The following RASGEF1C variants were observed in gnomAD, a reference collection of about 807,000 sequenced individuals.
RASGEF1C encodes the protein ras-GEF domain-containing family member 1C.
RASGEF1C carries 27 observed loss-of-function variants against 58.1 expected under a neutral mutation model. The ratio of observed to expected loss-of-function variants is 0.46; its 90% CI spans 0.34 to 0.64. The LOEUF is 0.64. Ranked by LOEUF, RASGEF1C falls within the 30% of genes least tolerant of loss-of-function variation. The pLI, the probability that RASGEF1C is intolerant of heterozygous loss-of-function variation, is 0.01. For missense variants in RASGEF1C, 502 were observed against 605.1 expected (o/e 0.83, Z 1.79); for synonymous variants, 243 against 246.3 (o/e 0.99, Z 0.13).
In RASGEF1C at chr5:180,199,705, T is replaced by G. The variant is rs1008788792; in HGVS notation, c.-7+9323A>C. Among the ~76,000 whole-genome samples the G allele has an allele frequency of 1.6e-3, 70 of 44,708 alleles. 2 individuals carry two copies. Among genetic ancestry groups the G allele is most frequent in the Non-Finnish European group, 5.6e-4 (13 of 23,374 alleles). The allele number at this position is 44,708 out of a possible 152,430, so 29.3% of individuals were successfully genotyped here. ...CCTTCCCCTCCCCTCCCTCCCTCCC[T>G]CCTTCCTTCCTTCTTTCCCGGATGG... On this transcript the variant is annotated intron_variant, in intron 1 of 13. Coordinates refer to ENST00000361132, the MANE Select transcript of RASGEF1C (RefSeq NM_175062.4).
rs998991869 is a variant in RASGEF1C at position 180,158,571 on chromosome 5, T to C, written c.-6-20513A>G. Among the ~76,000 whole-genome samples the C allele has an allele frequency of 2.6e-5, 4 of 152,212 alleles. No homozygotes were observed. Among genetic ancestry groups the C allele is most frequent in the Non-Finnish European group, 4.4e-5 (3 of 68,028 alleles). On this transcript the variant is annotated intron_variant, in intron 1 of 13. Transcript: ENST00000361132. This position sits in a 1 kb window ranked among gnomAD's most constrained non-coding sequence, Gnocchi z 4.0. ...TCTCTTAACTTTGTAGAATTTTCTT[T>C]GTTCCCGTAGGGTGACCTGTCATGC...
intron 1 of RASGEF1C, among the ~76,000 whole-genome samples, chr5:180,151,479 A>G (rs1486532269): frequency 6.6e-6 from 1 of 152,238 alleles, no homozygotes; most frequent in Non-Finnish European, 1.5e-5. Context: ...AGGATTCCCT[A>G]TTTAATAAAT....
intron 3 of RASGEF1C, 40 bp from the exon 4 acceptor site, chr5:180,136,555 C>A: frequency 6.5e-7 from 1 of 1,541,410 alleles, no homozygotes. Flanking sequence ...TGAGGGGCGC[C>A]GGGTGGGCAC....
At chr5:180,103,039 T>C (rs1041932705) in intron 12 of RASGEF1C, among the ~76,000 whole-genome samples, 4 of 152,240 alleles carry the variant, frequency 2.6e-5, no homozygotes, top group Admixed American at 6.5e-5. Context: ...GAACATCCTA[T>C]GTCTCCATTT....
Position 180,143,960 on chromosome 5 carries a change from AG to A in RASGEF1C, c.-6-5903del, listed in dbSNP as rs1463999196. ...GGACAGAGGTAAAGAAGGCTCCCGA[AG>A]GCCCCTGTGAGGACCACGCGCGTGT... On this transcript the variant is annotated intron_variant, in intron 1 of 13. Coordinates refer to ENST00000361132, the MANE Select transcript of RASGEF1C (RefSeq NM_175062.4). The surrounding 1 kb of genome is among the most constrained non-coding windows in gnomAD (Gnocchi z 4.3). Among the ~76,000 whole-genome samples, 1 of 152,186 alleles carries A rather than the reference AG, an allele frequency of 6.6e-6. No homozygotes were observed. The highest frequency in any genetic ancestry group is 1.9e-4 in the East Asian group (1 of 5,186).
intron 11 of RASGEF1C, 115 bp from the exon 12 acceptor site, chr5:180,111,695 TGAG>T (rs1765962556): frequency 8.6e-7 from 1 of 1,160,508 alleles, no homozygotes; most frequent in African/African-American, 1.5e-5. Context: ...TTTAGGGCTC[TGAG>T]GAGGAGCAGG....
chr5:180,186,890 C>T (rs184957506), intron 1 of RASGEF1C, among the ~76,000 whole-genome samples: 15 of 152,092 alleles, frequency 9.9e-5, no homozygotes, highest in East Asian at 5.8e-4. Flanking sequence ...GAGGTTGCAG[C>T]GAGCCAAGAT....
At chr5:180,194,316 T>G (rs926174007) in intron 1 of RASGEF1C, among the ~76,000 whole-genome samples, 2 of 152,230 alleles carry the variant, frequency 1.3e-5, no homozygotes, top group Non-Finnish European at 2.9e-5. Flanking sequence ...ACCTAATTTG[T>G]TCCTCTTTCT....
intron 1 of RASGEF1C, among the ~76,000 whole-genome samples, chr5:180,167,023 T>G (rs13356323): frequency 0.65 from 98,502 of 151,984 alleles, 32,401 homozygotes; most frequent in Non-Finnish European, 0.71. Context: ...TTTGATTATG[T>G]TGTATCTGGG....
chr5:180,198,100 C>A lies in RASGEF1C; in HGVS notation c.-7+10928G>T, dbSNP rs1756312641. On this transcript the variant is annotated intron_variant, in intron 1 of 13. Transcript: ENST00000361132. The surrounding 1 kb of genome is among the most constrained non-coding windows in gnomAD (Gnocchi z 4.5). ...GTCTGTAGGACGCTTCCTGGACAGG[C>A]TTATGGGGCGTGGCAGTTTGGGGCA... 6.6e-6 allele frequency among the ~76,000 whole-genome samples: 1 copy of A among 152,194 alleles called. No individual in the cohort carries two copies. The highest frequency in any genetic ancestry group is 2.4e-5 in the African/African-American group (1 of 41,450).
chr5:180,178,133 A>ATTT (rs56344691), intron 1 of RASGEF1C, among the ~76,000 whole-genome samples: 6 of 135,380 alleles, frequency 4.4e-5, no homozygotes, highest in African/African-American at 1.1e-4. Context: ...AGCCTGGCTA[A>ATTT]TTTTTTTTTT....
rs1321760627 is a variant in RASGEF1C, at chr5:180,209,097, G to A, written c.-76C>T. On this transcript the variant is annotated 5_prime_UTR_variant, in exon 1 of 14. Transcript: ENST00000361132. ...TCCCGGTGCGAGCCTCGGCGCCGCG[G>A]ACCGGGGCGCCGCCCGCCGCCGCCG... is the stretch of plus-strand genomic sequence containing the variant. The A allele has an allele frequency of 7.0e-6, 1 of 143,154 alleles. No homozygotes were observed. Among genetic ancestry groups the A allele is most frequent in the Non-Finnish European group, 1.5e-5 (1 of 64,946 alleles). The allele number at this position is 143,154 out of a possible 1,614,324, so 8.9% of individuals were successfully genotyped here. A position where few individuals can be genotyped will look rare whatever the true frequency, so the allele number is the denominator to read the frequency against.
Position 180,119,350 on chromosome 5 carries a change from G to A in RASGEF1C, c.903C>T (p.Ile301=), listed in dbSNP as rs892119985. 2.5e-6 allele frequency: 4 copies of A among 1,613,288 alleles called. No homozygotes were observed. The highest frequency in any genetic ancestry group is 3.4e-6 in the Non-Finnish European group (4 of 1,179,280). The change falls in exon 8 of 14, where the codon ATC becomes ATT. Residue 301 remains isoleucine (I), a synonymous_variant. Coordinates refer to ENST00000361132, the MANE Select transcript of RASGEF1C (RefSeq NM_175062.4). ...AGGCCAGGCCGGCCCACTCACAGAT[G>A]ATGGCCATGAGGGAGTTGAAGTTGC... ...NIGNFNSLMA[I]ISGMNMSPVS...
chr5:180,144,329 T>G (rs1403421600), intron 1 of RASGEF1C, among the ~76,000 whole-genome samples: 2 of 152,206 alleles, frequency 1.3e-5, no homozygotes, highest in Non-Finnish European at 1.5e-5. Context: ...TCCCACTGCT[T>G]TAGCCTCAAA....
intron 12 of RASGEF1C, among the ~76,000 whole-genome samples, chr5:180,104,487 C>CT (rs1765843870): frequency 6.6e-6 from 1 of 152,132 alleles, no homozygotes; most frequent in Non-Finnish European, 1.5e-5. Context: ...TTTCTGGCCT[C>CT]TGAAACTGTA....
chr5:180,188,538 A>C (rs1258409461), intron 1 of RASGEF1C, among the ~76,000 whole-genome samples: 1 of 152,224 alleles, frequency 6.6e-6, no homozygotes, highest in Non-Finnish European at 1.5e-5. Flanking sequence ...CCAACTAATA[A>C]TAGAAGAGAA....
At chr5:180,207,114 C>G (rs893184258) in intron 1 of RASGEF1C, among the ~76,000 whole-genome samples, 1 of 152,236 alleles carries the variant, frequency 6.6e-6, no homozygotes, top group African/African-American at 2.4e-5. Context: ...AACAGTGTGT[C>G]CGACTGATAA....
At chr5:180,151,142 C>G (rs1581108908) in intron 1 of RASGEF1C, among the ~76,000 whole-genome samples, 1 of 151,908 alleles carries the variant, frequency 6.6e-6, no homozygotes, top group South Asian at 2.1e-4. Flanking sequence ...CCATACTGCC[C>G]AAGGTAATTT....
chr5:180,170,825 G>A (rs938784204), intron 1 of RASGEF1C, among the ~76,000 whole-genome samples: 2 of 152,208 alleles, frequency 1.3e-5, no homozygotes, highest in African/African-American at 4.8e-5. Flanking sequence ...GTCCTGCTCC[G>A]CTTGTCTTCA....
Sources: allele counts gnomAD v4.1 joint callset (sites outside exome capture counted in the v4.1 genomes callset), GRCh38; gene constraint gnomAD v4.1.1; non-coding constraint Gnocchi (gnomAD v3.1); transcripts MANE v1.5; gene names NCBI Gene and HGNC (gene_info 2026-07-23, HGNC 2026-07-21).